The following GLIS3 variants were observed in gnomAD, a reference collection of about 807,000 sequenced individuals.
GLIS3 encodes zinc finger protein GLIS3.
A neutral mutation model predicts 78.6 loss-of-function variants in GLIS3; 53 were observed. That is an observed-to-expected ratio of 0.67 (90% CI 0.54 to 0.85). GLIS3 has a LOEUF of 0.85. Among genes scored for constraint, GLIS3 ranks in the 40% least tolerant of loss-of-function variants. The pLI, the probability that GLIS3 is intolerant of heterozygous loss-of-function variation, is 0.00. For missense variants in GLIS3, 1,703 were observed against 1,231.1 expected, an observed-to-expected ratio of 1.38 and a Z score of -5.74; for synonymous variants, 684 against 509.9, an observed-to-expected ratio of 1.34 and a Z score of -4.60.
chr9:4,166,547 C>A (rs1815857499), intron 2 of GLIS3, among the ~76,000 whole-genome samples: 1 of 152,246 alleles, frequency 6.6e-6, no homozygotes, highest in African/African-American at 2.4e-5. Context: ...GATATAAGTT[C>A]AAGTGCTGGC....
the GLIS3 span, among the ~76,000 whole-genome samples, chr9:4,362,636 T>C: frequency 6.6e-6 from 1 of 152,210 alleles, no homozygotes; most frequent in Non-Finnish European, 1.5e-5. Context: ...TCTTACCTTA[T>C]GCGGCAATGC....
intron 4 of GLIS3, among the ~76,000 whole-genome samples, chr9:3,944,027 TA>T (rs1429672572): frequency 6.6e-6 from 1 of 152,204 alleles, no homozygotes; most frequent in Non-Finnish European, 1.5e-5. Context: ...GAAATCTGTA[TA>T]AAACAAGGGT....
At position 3,879,667 on chromosome 9, in the gene GLIS3, G is replaced by A. The variant is rs750412671; in HGVS notation, c.2129-72C>T. The stretch of plus-strand genomic sequence containing the variant: ...CCACGTTTTTTAAATACCGAAGCCT[G>A]ACAGCAAGCATATTTGAGGGGCTTG... On this transcript the variant is annotated intron_variant, in intron 7 of 10. Coordinates refer to ENST00000381971, the MANE Select transcript of GLIS3 (RefSeq NM_001042413.2). The A allele has an allele frequency of 3.4e-4, 511 of 1,515,658 alleles. 1 individual carries two copies. The highest frequency in any genetic ancestry group is 1.5e-3 in the Admixed American group (81 of 55,238). 93.9% of individuals were successfully genotyped at this position (1,515,658 alleles called of 1,614,324 possible). A position where few individuals can be genotyped will look rare whatever the true frequency, so the allele number is the denominator to read the frequency against.
intron 4 of GLIS3, among the ~76,000 whole-genome samples, chr9:3,968,570 G>A (rs1818137142): frequency 6.6e-6 from 1 of 151,880 alleles, no homozygotes; most frequent in Non-Finnish European, 1.5e-5. Context: ...AGAAAGCTAA[G>A]GTATTGTATT....
chr9:4,428,135 A>G, the GLIS3 span, among the ~76,000 whole-genome samples: 30,154 of 151,778 alleles, frequency 0.2, 3,147 homozygotes, highest in South Asian at 0.28. Flanking sequence ...GGCAATATGG[A>G]CCCCTTAGGG....
At chr9:4,025,274 G>A (rs1037771815) in intron 4 of GLIS3, among the ~76,000 whole-genome samples, 2 of 151,854 alleles carry the variant, frequency 1.3e-5, no homozygotes, top group Admixed American at 1.3e-4. Flanking sequence ...AGAAAAGAAC[G>A]TACTCAAATA....
intron 4 of GLIS3, among the ~76,000 whole-genome samples, chr9:4,004,941 C>T (rs995536740): frequency 2.0e-5 from 3 of 152,108 alleles, no homozygotes; most frequent in African/African-American, 7.2e-5. Context: ...AAAGAAGTAA[C>T]CTTCCCAATG....
At chr9:3,909,995 A>G (rs1449781457) in intron 6 of GLIS3, among the ~76,000 whole-genome samples, 1 of 152,226 alleles carries the variant, frequency 6.6e-6, no homozygotes, top group Non-Finnish European at 1.5e-5. Context: ...ATACCATGGT[A>G]GCAGTCCAGC....
intron 2 of GLIS3, 31 bp from the exon 3 acceptor site, chr9:4,125,972 T>G (rs776004858): frequency 5.2e-6 from 8 of 1,529,470 alleles, no homozygotes; most frequent in Non-Finnish European, 5.4e-6. Context: ...TTAGCTTTCA[T>G]GTCCCTTACA....
intron 4 of GLIS3, among the ~76,000 whole-genome samples, chr9:3,995,547 A>AT (rs533091620): frequency 5.3e-4 from 81 of 152,220 alleles, no homozygotes; most frequent in African/African-American, 1.8e-3. Flanking sequence ...GTATAAATAA[A>AT]TTTTTTTAAA....
chr9:4,432,504 A>G, the GLIS3 span, among the ~76,000 whole-genome samples: 1 of 152,198 alleles, frequency 6.6e-6, no homozygotes, highest in Non-Finnish European at 1.5e-5. Context: ...CTCAAACACC[A>G]TGTTTAAAGT....
chr9:3,865,419 A>G (rs1820508604), intron 8 of GLIS3, among the ~76,000 whole-genome samples: 1 of 152,354 alleles, frequency 6.6e-6, no homozygotes, highest in South Asian at 2.1e-4. Context: ...TATGTCAGAG[A>G]GGAAGCACTT....
chr9:4,246,420 G>C (rs7858747), intron 2 of GLIS3, among the ~76,000 whole-genome samples: 48 of 152,250 alleles, frequency 3.2e-4, no homozygotes, highest in Admixed American at 7.2e-4. Context: ...GACTTCTCAG[G>C]ATCTTGTTTA....
chr9:4,234,422 G>C (rs1353398834), intron 2 of GLIS3, among the ~76,000 whole-genome samples: 1 of 152,206 alleles, frequency 6.6e-6, no homozygotes, highest in Non-Finnish European at 1.5e-5. Context: ...GAGAGAGATA[G>C]GGAATGGGCA....
chr9:4,189,923 C>T (rs4741909), intron 2 of GLIS3, among the ~76,000 whole-genome samples: 1 of 151,896 alleles, frequency 6.6e-6, no homozygotes, highest in Non-Finnish European at 1.5e-5. Context: ...AGGCAAACAG[C>T]GTCTGGAGTG....
At chr9:4,117,064 G>T (rs190488681) in intron 4 of GLIS3, among the ~76,000 whole-genome samples, 1 of 152,170 alleles carries the variant, frequency 6.6e-6, no homozygotes, top group African/African-American at 2.4e-5. Flanking sequence ...AGGCAGAGGC[G>T]AGGAAGAAAG....
At chr9:4,212,607 T>G (rs995696494) in intron 2 of GLIS3, among the ~76,000 whole-genome samples, 1 of 152,120 alleles carries the variant, frequency 6.6e-6, no homozygotes, top group African/African-American at 2.4e-5. Context: ...ATATCAGAAA[T>G]TCCTGAAAAA....
At chr9:3,981,027 G>C (rs1206483409) in intron 4 of GLIS3, among the ~76,000 whole-genome samples, 1 of 152,138 alleles carries the variant, frequency 6.6e-6, no homozygotes. Flanking sequence ...AGGGCTGGAC[G>C]AACTGAAGAA....
intron 4 of GLIS3, among the ~76,000 whole-genome samples, chr9:4,009,093 A>C (rs1249024849): frequency 6.6e-6 from 1 of 152,232 alleles, no homozygotes; most frequent in African/African-American, 2.4e-5. Flanking sequence ...TGATGCATTT[A>C]TAGATTAATG....
Sources: gnomAD v4.1 joint callset for allele counts (sites outside exome capture counted in the v4.1 genomes callset) on GRCh38, gnomAD v4.1.1 for gene constraint, MANE v1.5 for transcripts, NCBI Gene and HGNC (gene_info 2026-07-23, HGNC 2026-07-21) for gene names.